The following PRKCE variants were observed in gnomAD, a reference collection of about 807,000 sequenced individuals.
PRKCE encodes protein kinase C epsilon type.
PRKCE carries 16 observed loss-of-function variants against 85.4 expected under a neutral mutation model. The observed-to-expected ratio is 0.19, with a 90% CI of 0.13 to 0.28. The LOEUF (loss-of-function observed/expected upper bound fraction) is 0.28, where lower values mean the gene tolerates loss of function less well. Among genes scored for constraint, PRKCE ranks in the 10% least tolerant of loss-of-function variants. PRKCE has a pLI of 1.00. For synonymous variants in PRKCE, 388 were observed against 371.5 expected (o/e 1.04, Z -0.51); for missense variants, 573 against 975.2 (o/e 0.59, Z 5.49).
chr2:45,854,589 C>A (rs1286875322), intron 2 of PRKCE, among the ~76,000 whole-genome samples: 1 of 152,224 alleles, frequency 6.6e-6, no homozygotes, highest in Admixed American at 6.5e-5. Context: ...TTCTGACCTT[C>A]AACAGGATTG....
At chr2:46,116,227 G>A (rs1467645631) in intron 11 of PRKCE, among the ~76,000 whole-genome samples, 1 of 152,176 alleles carries the variant, frequency 6.6e-6, no homozygotes, top group Non-Finnish European at 1.5e-5. Flanking sequence ...TGTGTCCAAG[G>A]GAAGCCAACT....
At chr2:45,762,675 A>C (rs953836068) in intron 1 of PRKCE, among the ~76,000 whole-genome samples, 1 of 152,206 alleles carries the variant, frequency 6.6e-6, no homozygotes, top group Admixed American at 6.5e-5. Context: ...GGATAGCTTC[A>C]TTTCTCCATC....
chr2:45,688,686 G>A (rs1281546514), intron 1 of PRKCE, among the ~76,000 whole-genome samples: 1 of 152,192 alleles, frequency 6.6e-6, no homozygotes, highest in South Asian at 2.1e-4. Flanking sequence ...CCTGACTTAT[G>A]TAACACTTCA....
intron 2 of PRKCE, among the ~76,000 whole-genome samples, chr2:45,865,819 T>TCTTCTTC (rs1220298313): frequency 6.9e-6 from 1 of 145,134 alleles, no homozygotes; most frequent in Non-Finnish European, 1.5e-5. Flanking sequence ...CTTCTTCTTT[T>TCTTCTTC]TTTTTTTTTT....
chr2:45,958,668 C>G (rs1275853265), intron 2 of PRKCE, among the ~76,000 whole-genome samples: 1 of 149,390 alleles, frequency 6.7e-6, no homozygotes, highest in Non-Finnish European at 1.5e-5. Flanking sequence ...GGAGTTGTCT[C>G]TATGAGTTTT....
At chr2:45,846,344 C>T (rs191489372) in intron 2 of PRKCE, among the ~76,000 whole-genome samples, 2 of 152,272 alleles carry the variant, frequency 1.3e-5, no homozygotes, top group Non-Finnish European at 1.5e-5. Context: ...CGATGAGAGA[C>T]GGTCGGCGCC....
Position 46,007,709 on chromosome 2 carries a change from G to T in PRKCE, c.1263+48G>T, listed in dbSNP as rs139134827. Reference sequence around the variant, plus strand: ...ACTGCTGGTTTTGTTCTACTCCTTAGCATTGTTTCGTCTGTTTGATCTAAG... The same window carrying T: ...ACTGCTGGTTTTGTTCTACTCCTTATCATTGTTTCGTCTGTTTGATCTAAG... On this transcript the variant is annotated intron_variant, in intron 9 of 14. Coordinates refer to ENST00000306156, the MANE Select transcript of PRKCE (RefSeq NM_005400.3). 122 of 1,553,420 alleles carry T rather than the reference G, an allele frequency of 7.9e-5. 3 individuals carry two copies. In the Middle Eastern group the frequency reaches 1.8e-3, roughly 23 times the overall value.
rs1296986747 is a variant in PRKCE, at chr2:45,829,799, C to T, written c.349-13201C>T. ...TAAAAAATTGGAAGGCTCGGCCGGG[C>T]GCGGTGGCTCACGCCTGTAATCCCA... On this transcript the variant is annotated intron_variant, in intron 1 of 14. Transcript: ENST00000306156. Among the ~76,000 whole-genome samples the T allele has an allele frequency of 3.9e-5, 6 of 151,986 alleles. 1 individual carries two copies. The highest frequency in any genetic ancestry group is 3.3e-4 in the Admixed American group (5 of 15,276).
At chr2:46,052,412 C>T (rs987177412) in intron 10 of PRKCE, among the ~76,000 whole-genome samples, 2 of 152,150 alleles carry the variant, frequency 1.3e-5, no homozygotes, top group Non-Finnish European at 2.9e-5. Flanking sequence ...ATCAAAAAGA[C>T]TTAATTGCTC....
chr2:46,117,900 A>G (rs1672936670), intron 11 of PRKCE, among the ~76,000 whole-genome samples: 1 of 152,192 alleles, frequency 6.6e-6, no homozygotes, highest in Non-Finnish European at 1.5e-5. Flanking sequence ...GTACACCTGT[A>G]TTTAAAGAGT....
At chr2:45,948,246 A>G (rs142904648) in intron 2 of PRKCE, among the ~76,000 whole-genome samples, 105 of 152,356 alleles carry the variant, frequency 6.9e-4, no homozygotes, top group African/African-American at 2.5e-3. Flanking sequence ...GCACATAGAC[A>G]TACAGAGCCT....
At chr2:46,005,712 G>A (rs368802855) in intron 8 of PRKCE, among the ~76,000 whole-genome samples, 1 of 152,106 alleles carries the variant, frequency 6.6e-6, no homozygotes, top group Non-Finnish European at 1.5e-5. Context: ...AGCTTCGGGG[G>A]TCATGCACCA....
At chr2:46,093,664 G>A (rs1026329885) in intron 11 of PRKCE, among the ~76,000 whole-genome samples, 2 of 151,802 alleles carry the variant, frequency 1.3e-5, no homozygotes, top group Admixed American at 1.3e-4. Context: ...AAATTGCTGG[G>A]ATTACACAGG....
At chr2:45,723,426 C>T (rs1482552260) in intron 1 of PRKCE, among the ~76,000 whole-genome samples, 1 of 152,138 alleles carries the variant, frequency 6.6e-6, no homozygotes, top group Non-Finnish European at 1.5e-5. Flanking sequence ...AGATGTGCTT[C>T]TAGGCTCCTG....
chr2:45,913,783 A>G (rs911628824), intron 2 of PRKCE, among the ~76,000 whole-genome samples: 3 of 152,180 alleles, frequency 2.0e-5, no homozygotes, highest in Non-Finnish European at 2.9e-5. Context: ...CCAGGTGTCT[A>G]GTGTGTAGTC....
intron 6 of PRKCE, among the ~76,000 whole-genome samples, chr2:45,987,032 T>G (rs1056684516): frequency 1.5e-4 from 7 of 46,238 alleles, no homozygotes; most frequent in East Asian, 1.9e-3. Context: ...TGATGTCTGT[T>G]TTTTTTTTTG....
intron 2 of PRKCE, among the ~76,000 whole-genome samples, chr2:45,909,696 C>G (rs1317926790): frequency 6.6e-6 from 1 of 152,216 alleles, no homozygotes; most frequent in Admixed American, 6.5e-5. Flanking sequence ...GTGAGGCTAC[C>G]GTTTCACAGT....
intron 1 of PRKCE, among the ~76,000 whole-genome samples, chr2:45,751,341 C>G (rs141598429): frequency 6.6e-6 from 1 of 152,096 alleles, no homozygotes; most frequent in South Asian, 2.1e-4. Context: ...GGTAATTGTT[C>G]AATATGTTAT....
chr2:45,813,044 T>C (rs943340414), intron 1 of PRKCE, among the ~76,000 whole-genome samples: 1 of 152,212 alleles, frequency 6.6e-6, no homozygotes, highest in Non-Finnish European at 1.5e-5. Context: ...CTCTGGGGTT[T>C]CCTGGCCCCG....
Sources: allele counts gnomAD v4.1 joint callset (sites outside exome capture counted in the v4.1 genomes callset), GRCh38; gene constraint gnomAD v4.1.1; transcripts MANE v1.5; gene names NCBI Gene and HGNC (gene_info 2026-07-23, HGNC 2026-07-21).